Variants in PCSK5 observed in about 807,000 individuals in gnomAD.
PCSK5 encodes prohormone convertase 5.
PCSK5 carries 129 observed loss-of-function variants against 233.2 expected under a neutral mutation model. The observed-to-expected ratio is 0.55, with a 90% CI of 0.48 to 0.64. The LOEUF is 0.64. PCSK5 is among the 30% of genes least tolerant of loss of function. The pLI, the probability that PCSK5 is intolerant of heterozygous loss-of-function variation, is 0.00. For synonymous variants in PCSK5, 825 were observed against 879.2 expected (o/e 0.94, Z 1.09); for missense variants, 2,076 against 2,430.1 (o/e 0.85, Z 3.06).
intron 16 of PCSK5, 33 bp from the exon 17 acceptor site, chr9:76,184,640 A>C (rs750295625): frequency 5.6e-6 from 8 of 1,419,968 alleles, no homozygotes; most frequent in Middle Eastern, 3.5e-4. Flanking sequence ...CCAATTGACC[A>C]ACTGATTTAC....
At chr9:76,341,295 G>A (rs1829828829) in intron 35 of PCSK5, among the ~76,000 whole-genome samples, 1 of 151,912 alleles carries the variant, frequency 6.6e-6, no homozygotes, top group African/African-American at 2.4e-5. Context: ...TTCTGTTTGT[G>A]TCTTATAATT....
intron 1 of PCSK5, among the ~76,000 whole-genome samples, chr9:75,928,250 C>G (rs1823590673): frequency 6.6e-6 from 1 of 151,960 alleles, no homozygotes; most frequent in African/African-American, 2.4e-5. Context: ...TCATATACTC[C>G]TATTGTTTCT....
intron 22 of PCSK5, 22 bp from the exon 23 acceptor site, chr9:76,238,937 C>T (rs754751740): frequency 8.4e-6 from 13 of 1,556,752 alleles, no homozygotes; most frequent in Middle Eastern, 1.7e-4. Flanking sequence ...TCCCTCTTTT[C>T]GTTGCCCCTG....
intron 12 of PCSK5, among the ~76,000 whole-genome samples, chr9:76,165,781 A>G (rs953405158): frequency 6.6e-6 from 1 of 152,166 alleles, no homozygotes; most frequent in Non-Finnish European, 1.5e-5. Flanking sequence ...CATTTTACCC[A>G]CACTAATAAT....
intron 14 of PCSK5, 142 bp downstream of exon 14, chr9:76,175,271 G>GGAATGGAATGGAATGGAATC (rs1564081347): frequency 2.5e-5 from 13 of 517,272 alleles, no homozygotes; most frequent in African/African-American, 1.9e-4. Context: ...GGAATGGAAT[G>GGAATGGAATGGAATGGAATC]GAATCGAATC....
At chr9:75,956,476 C>G (rs1825099691) in intron 2 of PCSK5, among the ~76,000 whole-genome samples, 2 of 152,184 alleles carry the variant, frequency 1.3e-5, no homozygotes, top group Non-Finnish European at 2.9e-5. Context: ...CCCAGATAAT[C>G]TTCCATGGCA....
intron 24 of PCSK5, among the ~76,000 whole-genome samples, chr9:76,241,723 T>C (rs1461247671): frequency 1.3e-5 from 2 of 152,230 alleles, no homozygotes; most frequent in African/African-American, 4.8e-5. Flanking sequence ...CAGGATTGTT[T>C]CTTAATGTAC....
At chr9:76,103,778 C>G (rs1186022919) in intron 8 of PCSK5, among the ~76,000 whole-genome samples, 2 of 152,186 alleles carry the variant, frequency 1.3e-5, no homozygotes, top group Non-Finnish European at 2.9e-5. Flanking sequence ...GTTTCCATCA[C>G]TCTGATGGGC....
At position 75,904,556 on chromosome 9, in the gene PCSK5, C is replaced by T. The variant is rs374965977; in HGVS notation, c.192+13183C>T. Among the ~76,000 whole-genome samples the T allele has an allele frequency of 7.2e-5, 11 of 152,220 alleles. No homozygotes were observed. In the East Asian group the frequency reaches 1.5e-3, roughly 21 times the overall value. Reference sequence around the variant, plus strand: ...TAAAGATGTATAACATCATTAGTCACCAGGGAAATGTAAGTCAAACCTCAA... The same window carrying T: ...TAAAGATGTATAACATCATTAGTCATCAGGGAAATGTAAGTCAAACCTCAA... On this transcript the variant is annotated intron_variant, in intron 1 of 37. Coordinates refer to ENST00000674117, the MANE Select transcript of PCSK5 (RefSeq NM_001372043.1).
At chr9:76,003,075 G>A (rs966277686) in intron 3 of PCSK5, among the ~76,000 whole-genome samples, 1 of 152,188 alleles carries the variant, frequency 6.6e-6, no homozygotes, top group African/African-American at 2.4e-5. Flanking sequence ...TTGGGACAAA[G>A]TGATTTAGAG....
At chr9:76,083,638 G>A (rs1474248894) in intron 7 of PCSK5, among the ~76,000 whole-genome samples, 2 of 152,220 alleles carry the variant, frequency 1.3e-5, no homozygotes, top group Non-Finnish European at 2.9e-5. Flanking sequence ...CTCTTAGGAA[G>A]ACTCTGACCA....
rs979813734 is a variant in PCSK5, at chr9:76,358,603, T to C, written c.5345T>C (p.Leu1782Pro). 6.2e-7 allele frequency: 1 copy of C among 1,612,854 alleles called. No individual in the cohort carries two copies. Among genetic ancestry groups the C allele is most frequent in the Non-Finnish European group, 8.5e-7 (1 of 1,179,896 alleles). ...ATCACCTCCTCCATGATGCTGGTGC[T>C]TCTGCTCGGGGCAGCTGTGGTAGTG... ...LFITSSMMLV[L>P]LLGAAVVVWK... Residue 1782 changes from leucine to proline, a missense_variant, in exon 38 of 38, where the codon CTT becomes CCT. Physicochemically the swap from Leu to Pro is moderately conservative, Grantham distance 98 (BLOSUM62 -3). This residue lies in a region of PCSK5 where 1,510 missense variants were observed against 1,538.1 expected (regional missense o/e 0.98). Coordinates refer to ENST00000674117, the MANE Select transcript of PCSK5 (RefSeq NM_001372043.1).
At chr9:76,085,605 T>C (rs1831033311) in intron 7 of PCSK5, among the ~76,000 whole-genome samples, 1 of 152,218 alleles carries the variant, frequency 6.6e-6, no homozygotes, top group South Asian at 2.1e-4. Flanking sequence ...GCTGTAATTT[T>C]CTCTAAAGCA....
intron 1 of PCSK5, among the ~76,000 whole-genome samples, chr9:75,928,703 C>T (rs1163298274): frequency 1.4e-5 from 2 of 143,956 alleles, no homozygotes; most frequent in African/African-American, 5.1e-5. Flanking sequence ...AGGCACTTTA[C>T]GCTTTAGCTG....
At chr9:76,114,493 G>A (rs1180252331) in intron 9 of PCSK5, among the ~76,000 whole-genome samples, 2 of 152,080 alleles carry the variant, frequency 1.3e-5, no homozygotes, top group Non-Finnish European at 2.9e-5. Flanking sequence ...ACAGCTTCCA[G>A]AGATGTCTAT....
intron 2 of PCSK5, among the ~76,000 whole-genome samples, chr9:75,985,051 A>G (rs1792855637): frequency 6.6e-6 from 1 of 152,146 alleles, no homozygotes; most frequent in South Asian, 2.1e-4. Context: ...GAGAGGAGGG[A>G]TAAATGGTAG....
chr9:76,008,675 T>C (rs923738623), intron 3 of PCSK5, among the ~76,000 whole-genome samples: 4 of 152,160 alleles, frequency 2.6e-5, no homozygotes, highest in Non-Finnish European at 2.9e-5. Flanking sequence ...TTGGCCAGGA[T>C]GGTCTCGATC....
intron 23 of PCSK5, among the ~76,000 whole-genome samples, chr9:76,239,695 C>CAAAAAAA (rs61703191): frequency 9.0e-6 from 1 of 111,154 alleles, no homozygotes. Flanking sequence ...GACTCCATCT[C>CAAAAAAA]AAAAAAAAAA....
At chr9:76,107,519 A>T (rs1352780984) in intron 9 of PCSK5, among the ~76,000 whole-genome samples, 168 bp downstream of exon 9, 1 of 152,218 alleles carries the variant, frequency 6.6e-6, no homozygotes, top group African/African-American at 2.4e-5. Flanking sequence ...ATTCCCCTAT[A>T]TTAAGAAGAA....
Sources: allele counts gnomAD v4.1 joint callset (sites outside exome capture counted in the v4.1 genomes callset), GRCh38; gene constraint gnomAD v4.1.1; regional missense constraint gnomAD v4.1.1; transcripts MANE v1.5; gene names NCBI Gene and HGNC (gene_info 2026-07-23, HGNC 2026-07-21).